PREX1: variants seen among roughly 807,000 people sequenced by gnomAD.
PREX1 encodes phosphatidylinositol 3,4,5-trisphosphate-dependent Rac exchanger 1 protein.
PREX1 carries 41 observed loss-of-function variants against 198.3 expected under a neutral mutation model. The ratio of observed to expected loss-of-function variants is 0.21; its 90% confidence interval spans 0.16 to 0.27. PREX1 has a LOEUF of 0.27. Ranked by LOEUF, PREX1 falls within the 10% of genes least tolerant of loss-of-function variation. PREX1 has a pLI of 1.00. For synonymous variants in PREX1, 843 were observed against 887.2 expected (o/e 0.95, Z 0.89); for missense variants, 1,620 against 2,200.7 (o/e 0.74, Z 5.28).
In PREX1 at chr20:48,759,172, C is replaced by T. The variant is rs117247121; in HGVS notation, c.220-11292G>A. ...ACTGCTCTGTGACCTAGGCAACTGA[C>T]TCCATCTCTCTGGGCCTCATCTATA... On this transcript the variant is annotated intron_variant, in intron 1 of 39. Transcript: ENST00000371941. Among the ~76,000 whole-genome samples, 133 of 152,288 alleles carry T rather than the reference C, an allele frequency of 8.7e-4. No individual in the cohort carries two copies. The East Asian group carries it at 0.019, about 22-fold the overall frequency.
intron 1 of PREX1, among the ~76,000 whole-genome samples, chr20:48,809,980 C>G (rs944411387): frequency 6.6e-6 from 1 of 152,180 alleles, no homozygotes; most frequent in African/African-American, 2.4e-5. Context: ...CTTTTCATCT[C>G]AAAGAACAAG....
intron 11 of PREX1, 152 bp from the exon 12 acceptor site, chr20:48,679,906 T>C (rs2089737753): frequency 1.5e-6 from 1 of 645,398 alleles, no homozygotes; most frequent in Admixed American, 2.7e-5. Context: ...GCCAGGCTTT[T>C]TTTTCACTGA....
intron 7 of PREX1, among the ~76,000 whole-genome samples, chr20:48,697,403 CAG>C (rs2089852683): frequency 6.9e-6 from 1 of 145,520 alleles, no homozygotes; most frequent in African/African-American, 2.6e-5. Context: ...TTTTTTGAGA[CAG>C]AGTCTCGCTC....
At chr20:48,632,047 A>T (rs1001676375) in intron 35 of PREX1, among the ~76,000 whole-genome samples, 9 of 152,230 alleles carry the variant, frequency 5.9e-5, no homozygotes, top group Admixed American at 4.6e-4. Context: ...ACCTTGGGCA[A>T]GTGTGTACAC....
chr20:48,782,907 G>A (rs1189105683), intron 1 of PREX1, among the ~76,000 whole-genome samples: 7 of 152,274 alleles, frequency 4.6e-5, no homozygotes, highest in African/African-American at 1.2e-4. Flanking sequence ...TAGCAAGATC[G>A]CTCTGGTTGC....
the PREX1 span, among the ~76,000 whole-genome samples, chr20:48,880,277 GA>G: frequency 6.6e-6 from 1 of 152,146 alleles, no homozygotes; most frequent in Non-Finnish European, 1.5e-5. Flanking sequence ...CAAGGAGAAG[GA>G]AAAATAAGGA....
intron 5 of PREX1, among the ~76,000 whole-genome samples, chr20:48,709,127 G>A (rs2089918271): frequency 6.6e-6 from 1 of 152,176 alleles, no homozygotes; most frequent in African/African-American, 2.4e-5. Flanking sequence ...TAAATGTGAT[G>A]GGAGAGGAAC....
At chr20:48,746,839 G>A (rs971777864) in intron 2 of PREX1, among the ~76,000 whole-genome samples, 1 of 151,974 alleles carries the variant, frequency 6.6e-6, no homozygotes, top group Non-Finnish European at 1.5e-5. Flanking sequence ...ATAACAAACA[G>A]TGTAATAAAT....
Position 48,820,462 on chromosome 20 carries a change from G to A in PREX1, c.219+7180C>T, listed in dbSNP as rs924266068. ...GAGTCTGTGCTCTAAACCATGAACC[G>A]CAAGAGAGGGAGCCTCCCAGACACT... On this transcript the variant is annotated intron_variant, in intron 1 of 39. Transcript: ENST00000371941. Among the ~76,000 whole-genome samples, 12 of 152,304 alleles carry A rather than the reference G, an allele frequency of 7.9e-5. 1 individual carries two copies. The highest frequency in any genetic ancestry group is 5.9e-5 in the Non-Finnish European group (4 of 68,020).
intron 8 of PREX1, chr20:48,692,456 T>C (rs1194032875): frequency 4.4e-6 from 2 of 459,220 alleles, no homozygotes; most frequent in Non-Finnish European, 7.9e-6. Context: ...AAGAAGGCAT[T>C]GCAAGGAGGA....
rs898529159 is a variant in PREX1 at position 48,690,841 on chromosome 20, C to T, written c.1186+106G>A. 451 of 1,487,774 alleles carry T rather than the reference C, an allele frequency of 3.0e-4. 2 individuals carry two copies. Among genetic ancestry groups the T allele is most frequent in the Middle Eastern group, 1.2e-3 (5 of 4,124 alleles). 92.2% of individuals were successfully genotyped at this position (1,487,774 alleles called of 1,614,324 possible). On this transcript the variant is annotated intron_variant, in intron 9 of 39. Transcript: ENST00000371941. ...AATACCTGCTTCTTACAGCTCTGAT[C>T]CTCCTGAAAAGGACCCTATGCCCCT... is the stretch of plus-strand genomic sequence containing the variant.
chr20:48,857,592 C>A, the PREX1 span, among the ~76,000 whole-genome samples: 5 of 151,826 alleles, frequency 3.3e-5, no homozygotes, highest in African/African-American at 1.2e-4. Context: ...AATAGCGAAA[C>A]CCTCGCCTCA....
chr20:48,869,439 C>T, the PREX1 span, among the ~76,000 whole-genome samples: 1,534 of 152,154 alleles, frequency 0.01, 30 homozygotes, highest in African/African-American at 0.035. Context: ...GCTGGGATTA[C>T]AGGCATGAGC....
At chr20:48,882,931 C>CT in the PREX1 span, among the ~76,000 whole-genome samples, 35,827 of 123,640 alleles carry the variant, frequency 0.29, 6,277 homozygotes, top group African/African-American at 0.44. Context: ...TTGGGTTGTC[C>CT]TTTTTTTTTT....
the PREX1 span, among the ~76,000 whole-genome samples, chr20:48,861,249 C>T: frequency 6.6e-6 from 1 of 152,178 alleles, no homozygotes; most frequent in Non-Finnish European, 1.5e-5. Context: ...CTAACATTGA[C>T]TTTGGGGAAC....
chr20:48,691,083 G>A lies in PREX1; in HGVS notation c.1050C>T (p.Ser350=). The change falls in exon 9 of 40, where the codon AGC becomes AGT. Residue 350 remains serine (S), a synonymous_variant. Coordinates refer to ENST00000371941, the MANE Select transcript of PREX1 (RefSeq NM_020820.4). The surrounding 1 kb of genome is among the most constrained non-coding windows in gnomAD (Gnocchi z 5.0). Reference sequence around the variant, plus strand: ...AGCCGTTGGTGACGGTATAGCCGTTGCTATGGTAATCCGCTGGTGGGGGCA... The same window carrying A: ...AGCCGTTGGTGACGGTATAGCCGTTACTATGGTAATCCGCTGGTGGGGGCA... ...NVEDGTADYH[S]NGYTVTNGWK... The A allele has an allele frequency of 1.9e-6, 3 of 1,614,224 alleles. No homozygotes were observed. Among genetic ancestry groups the A allele is most frequent in the Non-Finnish European group, 1.7e-6 (2 of 1,180,038 alleles).
At chr20:48,695,886 G>A (rs745650669) in intron 7 of PREX1, among the ~76,000 whole-genome samples, 13 of 152,214 alleles carry the variant, frequency 8.5e-5, no homozygotes, top group Non-Finnish European at 1.6e-4. Context: ...TGGCATCAAA[G>A]CAGCTAAGAC....
chr20:48,744,032 ATG>A (rs1491421944), intron 3 of PREX1, among the ~76,000 whole-genome samples: 41 of 135,942 alleles, frequency 3.0e-4, no homozygotes, highest in Non-Finnish European at 1.3e-4. Flanking sequence ...GATGATGATG[ATG>A]AGTTAACAGT....
Position 48,691,889 on chromosome 20 carries a change from A to T in PREX1, c.1036+783T>A, listed in dbSNP as rs971011835. Among the ~76,000 whole-genome samples, 1 of 151,978 alleles carries T rather than the reference A, an allele frequency of 6.6e-6. No individual in the cohort carries two copies. Among genetic ancestry groups the T allele is most frequent in the Non-Finnish European group, 1.5e-5 (1 of 67,980 alleles). On this transcript the variant is annotated intron_variant, in intron 8 of 39. Coordinates refer to ENST00000371941, the MANE Select transcript of PREX1 (RefSeq NM_020820.4). This position sits in a 1 kb window ranked among gnomAD's most constrained non-coding sequence, Gnocchi z 5.0. ...GCAGTTTGTTTAAAAAAAAATGTAG[A>T]CCATATTTTCTGGGCGGGGAGACTA...
Sources: gnomAD v4.1 joint callset for allele counts (sites outside exome capture counted in the v4.1 genomes callset) on GRCh38, gnomAD v4.1.1 for gene constraint, Gnocchi (gnomAD v3.1) non-coding constraint, MANE v1.5 for transcripts, NCBI Gene and HGNC (gene_info 2026-07-23, HGNC 2026-07-21) for gene names.